Variants in LRRC56 observed in about 807,000 individuals in gnomAD.
The protein encoded by LRRC56 is leucine-rich repeat-containing protein 56.
In LRRC56, 41 loss-of-function variants were observed where a neutral mutation model predicts 47.8. The observed-to-expected ratio is 0.86, with a 90% confidence interval of 0.67 to 1.11. LRRC56 has a LOEUF of 1.11. Ranked by LOEUF, LRRC56 falls within the 50% of genes most tolerant of loss-of-function variation. The pLI is 0.00. For missense variants in LRRC56, 759 were observed against 704.2 expected (o/e 1.08, Z -0.88); for synonymous variants, 387 against 311.2 (o/e 1.24, Z -2.56).
intron 5 of LRRC56, among the ~76,000 whole-genome samples, chr11:542,470 T>C (rs904695715): frequency 3.3e-5 from 5 of 150,132 alleles, no homozygotes; most frequent in African/African-American, 9.9e-5. Context: ...TAGACAGGCA[T>C]GATGGCACCT....
chr11:534,048 T>C (rs1589793220), upstream of LRRC56: 1 of 1,334,418 alleles, frequency 7.5e-7, no homozygotes, highest in Non-Finnish European at 1.1e-6. Flanking sequence ...TGCCCCCTCC[T>C]CTCCTGGGGT....
the LRRC56 span, among the ~76,000 whole-genome samples, chr11:518,997 C>A: frequency 1.3e-5 from 2 of 152,100 alleles, no homozygotes; most frequent in East Asian, 1.9e-4. Flanking sequence ...TACGAGGGCG[C>A]GCGAGGCGCC....
chr11:512,921 G>A, the LRRC56 span, among the ~76,000 whole-genome samples: 2 of 152,178 alleles, frequency 1.3e-5, no homozygotes. Flanking sequence ...CATGGTGGGA[G>A]TTACTACCCC....
At chr11:510,719 C>G in the LRRC56 span, among the ~76,000 whole-genome samples, 121 of 151,540 alleles carry the variant, frequency 8.0e-4, 1 homozygote, top group Non-Finnish European at 1.6e-3. Context: ...GCCTGGGCAA[C>G]AAAAAGCAAA....
At position 540,794 on chromosome 11, in the gene LRRC56, G is replaced by A; in HGVS notation, c.110G>A (p.Gly37Asp). The change falls in exon 4 of 14, where the codon GGC becomes GAC. Residue 37 changes from glycine (G) to aspartate (D), a missense_variant. Coordinates refer to ENST00000270115, the MANE Select transcript of LRRC56 (RefSeq NM_198075.4). ...CACAACCCCTGCCCACAGAGCAAGG[G>A]CCCTGGCAGTCAGAGGGACAGACTT... ...GLHNPCPQSK[G>D]PGSQRDRLGE... The A allele has an allele frequency of 1.2e-6, 2 of 1,606,116 alleles. No homozygotes were observed. The highest frequency in any genetic ancestry group is 1.7e-6 in the Non-Finnish European group (2 of 1,177,040).
At chr11:533,970 C>T (rs1851290656), upstream of LRRC56, 1 of 1,605,428 alleles carries the variant, frequency 6.2e-7, no homozygotes. Context: ...GCTCAGGGAC[C>T]CCCTCAGGAC....
chr11:523,231 G>A, the LRRC56 span, among the ~76,000 whole-genome samples: 1,214 of 152,064 alleles, frequency 8.0e-3, 11 homozygotes, highest in African/African-American at 0.028. Context: ...GTTTCACCAC[G>A]TTGGTCATGC....
the LRRC56 span, among the ~76,000 whole-genome samples, chr11:528,235 G>A: frequency 6.6e-6 from 1 of 152,216 alleles, no homozygotes; most frequent in African/African-American, 2.4e-5. Context: ...GCTATCAGAG[G>A]GCTCCATCAC....
In LRRC56 at chr11:541,704, G is replaced by A. The variant is rs1349913069; in HGVS notation, c.265+80G>A. On this transcript the variant is annotated intron_variant, in intron 5 of 13. Transcript: ENST00000270115. The surrounding 1 kb of genome is among the most constrained non-coding windows in gnomAD (Gnocchi z 4.1). The stretch of plus-strand genomic sequence containing the variant: ...ACAACACACGTTTCCTGGTTATGAC[G>A]ACAAAGCTGTCCTCACCTCTCGGGC... 21 of 923,652 alleles carry A rather than the reference G, an allele frequency of 2.3e-5. No individual in the cohort carries two copies. The East Asian group carries it at 4.2e-4, about 19-fold the overall frequency. 57.2% of individuals were successfully genotyped at this position (923,652 alleles called of 1,614,324 possible).
upstream of LRRC56, chr11:532,650 A>G: frequency 6.2e-7 from 1 of 1,612,254 alleles, no homozygotes; most frequent in Non-Finnish European, 8.5e-7. Flanking sequence ...GAGAGCACAC[A>G]CTTGCAGCTC....
In LRRC56 at chr11:554,712, C is replaced by T. The variant is rs148362596; in HGVS notation, c.*436C>T. On this transcript the variant is annotated 3_prime_UTR_variant, in exon 14 of 14. Transcript: ENST00000270115. ...CCGCAGTGGCCCAAGGTCCCAGCTG[C>T]TCGCCTGAGGCCGCCGGGGGTGCGG... 88 of 455,576 alleles carry T rather than the reference C, an allele frequency of 1.9e-4. No individual in the cohort carries two copies. Among genetic ancestry groups the T allele is most frequent in the African/African-American group, 1.7e-3 (84 of 48,104 alleles). The allele number at this position is 455,576 out of a possible 1,614,324, so 28.2% of individuals were successfully genotyped here.
chr11:512,253 T>C, the LRRC56 span, among the ~76,000 whole-genome samples: 4 of 151,922 alleles, frequency 2.6e-5, no homozygotes, highest in African/African-American at 9.7e-5. Context: ...TTTTCATTTT[T>C]GAGATGGAGT....
intron 13 of LRRC56, among the ~76,000 whole-genome samples, chr11:553,331 T>A (rs1852528480): frequency 6.6e-6 from 1 of 151,934 alleles, no homozygotes; most frequent in Non-Finnish European, 1.5e-5. Flanking sequence ...CAGCTGACCC[T>A]CCTCTGTGCA....
intron 9 of LRRC56, 132 bp downstream of exon 9, chr11:551,434 A>C (rs1298167092): frequency 1.3e-6 from 1 of 787,842 alleles, no homozygotes; most frequent in East Asian, 2.8e-5. Flanking sequence ...CGGTCCCCAG[A>C]GCTGTGCACA....
intron 5 of LRRC56, among the ~76,000 whole-genome samples, chr11:542,235 C>T (rs1226183454): frequency 5.3e-5 from 8 of 152,206 alleles, no homozygotes; most frequent in Non-Finnish European, 1.2e-4. Context: ...ACGCTCAGTG[C>T]CCCACACACC....
upstream of LRRC56, chr11:534,145 T>C: frequency 7.5e-7 from 1 of 1,340,740 alleles, no homozygotes; most frequent in Middle Eastern, 1.8e-4. Flanking sequence ...CAGCCAGCCC[T>C]ATCCTGGCTG....
chr11:511,320 C>CAA, the LRRC56 span, among the ~76,000 whole-genome samples: 31 of 78,434 alleles, frequency 4.0e-4, no homozygotes, highest in Non-Finnish European at 4.9e-4. Flanking sequence ...GACTCCGTCT[C>CAA]AAAAAAAAAA....
the LRRC56 span, chr11:507,152 A>C: frequency 2.0e-5 from 3 of 152,318 alleles, no homozygotes; most frequent in African/African-American, 7.2e-5. Context: ...CTGGAGACCC[A>C]GAGCGAGACG....
the LRRC56 span, among the ~76,000 whole-genome samples, chr11:524,579 C>T: frequency 4.6e-5 from 7 of 151,734 alleles, no homozygotes; most frequent in South Asian, 2.1e-4. Flanking sequence ...TGTAGTAAGC[C>T]GAGATTGCAC....
Sources: allele counts gnomAD v4.1 joint callset (sites outside exome capture counted in the v4.1 genomes callset), GRCh38; gene constraint gnomAD v4.1.1; non-coding constraint Gnocchi (gnomAD v3.1); transcripts MANE v1.5; gene names NCBI Gene and HGNC (gene_info 2026-07-23, HGNC 2026-07-21).